ZBED6: variants seen among roughly 807,000 people sequenced by gnomAD.
The protein encoded by ZBED6 is zinc finger BED-type containing 6.
Under a neutral mutation model 58.4 loss-of-function variants are expected in ZBED6, and 40 were observed. The observed-to-expected ratio is 0.68, with a 90% confidence interval of 0.53 to 0.89. ZBED6 has a LOEUF of 0.89. Among genes scored for constraint, ZBED6 ranks in the 40% least tolerant of loss-of-function variants. The pLI, the probability that ZBED6 is intolerant of heterozygous loss-of-function variation, is 0.00. For missense variants in ZBED6, 1,057 were observed against 1,003.9 expected (o/e 1.05, Z -0.71); for synonymous variants, 439 against 350.6 (o/e 1.25, Z -2.82).
chr1:203,849,183 C>T lies in ZBED6; in HGVS notation c.*4323-528C>T, dbSNP rs77816475. Among the ~76,000 whole-genome samples the T allele has an allele frequency of 5.0e-3, 764 of 152,276 alleles. 16 individuals carry two copies. The East Asian group carries it at 0.052, about 10-fold the overall frequency. On this transcript the variant is annotated intron_variant, in intron 13 of 16. Transcript: ENST00000550078. ...TACATGTGTGAGCCACCACACTTGG[C>T]CTTCTTCGACCTTTTTGTTTATATA...
At chr1:203,821,180 G>A (rs1156810667) in intron 3 of ZBED6, among the ~76,000 whole-genome samples, 1 of 152,046 alleles carries the variant, frequency 6.6e-6, no homozygotes, top group Non-Finnish European at 1.5e-5. Context: ...TTAAAAGTGT[G>A]GGACTCCCTT....
At chr1:203,827,632 A>G (rs746663981) in intron 3 of ZBED6, among the ~76,000 whole-genome samples, 39 of 151,558 alleles carry the variant, frequency 2.6e-4, no homozygotes, top group Non-Finnish European at 5.3e-4. Context: ...CAGTGAGCGG[A>G]GATCGCGCCA....
At chr1:203,816,856 A>G (rs1676554401) in intron 1 of ZBED6, 70 bp from the exon 2 acceptor site, 1 of 485,418 alleles carries the variant, frequency 2.1e-6, no homozygotes. Context: ...ATACGATCTC[A>G]TTAGCCATGG....
At chr1:203,805,672 GT>G in intron 1 of ZBED6, 5 of 696,352 alleles carry the variant, frequency 7.2e-6, no homozygotes, top group Non-Finnish European at 1.3e-5. Context: ...CTCCATCCTT[GT>G]TTTTGTGACA....
rs771346767 is a variant in ZBED6 at position 203,848,284 on chromosome 1, T to C, written c.*4246-47T>C. On this transcript the variant is annotated intron_variant, in intron 12 of 16. Transcript: ENST00000550078. ...TTTGTTTAACATATCTATCATGAAG[T>C]TGCAGCTTAAATAAAATAACTAATG... 58 of 1,483,084 alleles carry C rather than the reference T, an allele frequency of 3.9e-5. 1 individual carries two copies. In the Middle Eastern group the frequency reaches 3.9e-3, roughly 99 times the overall value. 91.9% of individuals were successfully genotyped at this position (1,483,084 alleles called of 1,614,324 possible).
At chr1:203,838,162 A>G in intron 10 of ZBED6, 98 bp downstream of exon 10, 2 of 1,100,456 alleles carry the variant, frequency 1.8e-6, no homozygotes, top group Non-Finnish European at 2.6e-6. Flanking sequence ...TGTTCAGGTA[A>G]ATAGGTTATC....
chr1:203,847,764 G>T (rs1364325151), intron 12 of ZBED6, 77 bp downstream of exon 12: 2 of 1,533,942 alleles, frequency 1.3e-6, no homozygotes, highest in African/African-American at 2.8e-5. Flanking sequence ...ATCTTCCTAG[G>T]AGTTGTTTGA....
chr1:203,850,341 TGTAGTGACCACCATGTGACCACAA>T, intron 14 of ZBED6, 150 bp from the exon 15 acceptor site: 1 of 899,096 alleles, frequency 1.1e-6, no homozygotes, highest in Non-Finnish European at 1.8e-6. Flanking sequence ...GGTGACCACC[TGTAGTGACCACCATGTGACCACAA>T]ATTGCCTTTG....
At chr1:203,809,847 G>A (rs933707340) in intron 1 of ZBED6, among the ~76,000 whole-genome samples, 13 of 152,108 alleles carry the variant, frequency 8.5e-5, no homozygotes, top group South Asian at 2.1e-4. Context: ...CCAGCTACTC[G>A]GGAGGGTGAG....
chr1:203,796,339 C>T (rs1668491998), exon 1 of ZBED6: 5 of 398,544 alleles, frequency 1.3e-5, no homozygotes, highest in Non-Finnish European at 2.2e-5. Context: ...TACAGAAAGC[C>T]ACCGACCTTA....
chr1:203,799,480 A>G (rs1284884060), exon 1 of ZBED6: 5 of 703,016 alleles, frequency 7.1e-6, no homozygotes, highest in South Asian at 4.4e-5. Flanking sequence ...TCTACTTTTT[A>G]TATGTTAAAA....
At chr1:203,796,153 CCCCCGAAT>C in exon 1 of ZBED6, 1 of 288,864 alleles carries the variant, frequency 3.5e-6, no homozygotes, top group Non-Finnish European at 6.4e-6. Context: ...ACCGACTGTT[CCCCCGAAT>C]CCCGAAGAGA....
At chr1:203,825,526 C>T (rs1004997009) in intron 3 of ZBED6, among the ~76,000 whole-genome samples, 2 of 150,204 alleles carry the variant, frequency 1.3e-5, no homozygotes, top group Admixed American at 6.7e-5. Flanking sequence ...CTTCCACCTC[C>T]CGGGTTCAAG....
At chr1:203,797,541 A>T in exon 1 of ZBED6, 1 of 1,522,772 alleles carries the variant, frequency 6.6e-7, no homozygotes, top group Non-Finnish European at 8.8e-7. Context: ...ATGTACTCTA[A>T]GTGTACCAGT....
chr1:203,827,826 T>C (rs998157196), intron 3 of ZBED6, among the ~76,000 whole-genome samples: 1 of 152,170 alleles, frequency 6.6e-6, no homozygotes, highest in African/African-American at 2.4e-5. Flanking sequence ...AACTGCAGTT[T>C]ATTGAGTTTG....
intron 4 of ZBED6, 79 bp downstream of exon 4, chr1:203,828,501 T>C (rs1341000815): frequency 1.3e-6 from 2 of 1,496,130 alleles, no homozygotes; most frequent in Non-Finnish European, 1.8e-6. Flanking sequence ...TTTTCAGACA[T>C]TGACTCCTTT....
chr1:203,839,381 C>G (rs1207974790), intron 10 of ZBED6, among the ~76,000 whole-genome samples: 1 of 152,122 alleles, frequency 6.6e-6, no homozygotes, highest in Non-Finnish European at 1.5e-5. Context: ...GAGCAAAAAG[C>G]CAAGGTTAGA....
At chr1:203,837,128 C>A (rs940748671) in intron 9 of ZBED6, among the ~76,000 whole-genome samples, 1 of 151,844 alleles carries the variant, frequency 6.6e-6, no homozygotes, top group African/African-American at 2.4e-5. Flanking sequence ...ACCCTTGTCT[C>A]TACTAAAAAT....
rs79113294 is a variant in ZBED6, at chr1:203,820,768, C to T, written c.*2873+2079C>T. Among the ~76,000 whole-genome samples the T allele has an allele frequency of 1.8e-3, 279 of 152,232 alleles. 7 individuals carry two copies. The East Asian group carries it at 0.042, about 23-fold the overall frequency. ...GTGCTGAGATTACAGGTGTGAGCCACGCCCGGCGAATGGTATTTTTGTTGC... is the reference window on the plus strand; with the variant it reads ...GTGCTGAGATTACAGGTGTGAGCCATGCCCGGCGAATGGTATTTTTGTTGC... On this transcript the variant is annotated intron_variant, in intron 3 of 16. Transcript: ENST00000550078.
Sources: allele counts gnomAD v4.1 joint callset (sites outside exome capture counted in the v4.1 genomes callset), GRCh38; gene constraint gnomAD v4.1.1; transcripts MANE v1.5; gene names NCBI Gene and HGNC (gene_info 2026-07-23, HGNC 2026-07-21).